The following PIEZO1 variants were observed in gnomAD, a reference collection of about 807,000 sequenced individuals.
PIEZO1 encodes the protein piezo-type mechanosensitive ion channel component 1.
In PIEZO1, 296 loss-of-function variants were observed where a neutral mutation model predicts 297.2. That is an observed-to-expected ratio of 1.00 (90% CI 0.91 to 1.10). The LOEUF (loss-of-function observed/expected upper bound fraction) is 1.10, where lower values mean the gene tolerates loss of function less well. PIEZO1 is among the 50% of genes least tolerant of loss of function. The probability of loss-of-function intolerance (pLI) is 0.00; values close to 1 mark genes in which losing one functional copy is unlikely to be tolerated. For synonymous variants in PIEZO1, 2,427 were observed against 1,507.5 expected, an observed-to-expected ratio of 1.61 and a Z score of -14.13; for missense variants, 5,018 against 3,455.5, an observed-to-expected ratio of 1.45 and a Z score of -11.34.
chr16:88,722,694 A>C lies in PIEZO1; in HGVS notation c.4669-5T>G, dbSNP rs1344538557. On this transcript the variant is annotated splice_region_variant and splice_polypyrimidine_tract_variant and intron_variant, in intron 34 of 50. Transcript: ENST00000301015. Reference sequence around the variant, plus strand: ...GCCCCTGTGCACTTCGCCGCCCTGCAGGGCACAGCAGGGGGCTCAGGGCTG... The same window carrying C: ...GCCCCTGTGCACTTCGCCGCCCTGCCGGGCACAGCAGGGGGCTCAGGGCTG... The C allele has an allele frequency of 6.5e-7, 1 of 1,535,282 alleles. No homozygotes were observed. The highest frequency in any genetic ancestry group is 2.4e-5 in the East Asian group (1 of 40,856).
intron 1 of PIEZO1, among the ~76,000 whole-genome samples, chr16:88,751,516 G>T (rs1339951539): frequency 6.6e-6 from 1 of 152,162 alleles, no homozygotes; most frequent in East Asian, 1.9e-4. Flanking sequence ...GGGCTCCGGG[G>T]GGCACCGCCC....
At chr16:88,736,452 C>G (rs1303441420) in intron 11 of PIEZO1, 44 bp from the exon 12 acceptor site, 2 of 1,474,436 alleles carry the variant, frequency 1.4e-6, no homozygotes. Flanking sequence ...CGCACCCCAC[C>G]CAGGCGATGC....
rs985778088 is a variant in PIEZO1, at chr16:88,725,448, G to A, written c.4130C>T (p.Thr1377Ile). The change falls in exon 29 of 51, where the codon ACC becomes ATC. Residue 1377 changes from threonine to isoleucine, a missense_variant. By Grantham distance (89) the Thr-to-Ile change is moderately conservative. Transcript: ENST00000301015. ...GRVDRSRPQD[T>I]LGPKDPGLEP... ...CAGGCCGGGGTCCTTGGGGCCCAGG[G>A]TGTCCTGGGGGCGACTGCGGTCCAC... 1.1e-5 allele frequency: 16 copies of A among 1,485,876 alleles called. No homozygotes were observed. Among genetic ancestry groups the A allele is most frequent in the African/African-American group, 1.4e-5 (1 of 71,040 alleles). 92.0% of individuals were successfully genotyped at this position (1,485,876 alleles called of 1,614,324 possible). A position where few individuals can be genotyped will look rare whatever the true frequency, so the allele number is the denominator to read the frequency against.
chr16:88,745,066 A>AC (rs1379592456), intron 2 of PIEZO1: 1 of 42,844 alleles, frequency 2.3e-5, no homozygotes, highest in Non-Finnish European at 5.1e-5. Flanking sequence ...GTCCCCGCCC[A>AC]CCCCGTCACT....
intron 50 of PIEZO1, 32 bp downstream of exon 50, chr16:88,715,901 G>A: frequency 6.5e-7 from 1 of 1,535,162 alleles, no homozygotes; most frequent in Non-Finnish European, 8.8e-7. Flanking sequence ...AGCCCCCCGA[G>A]CTGCGGGGTG....
intron 1 of PIEZO1, among the ~76,000 whole-genome samples, chr16:88,776,032 C>T (rs1174295794): frequency 6.6e-6 from 1 of 152,214 alleles, no homozygotes; most frequent in Non-Finnish European, 1.5e-5. Context: ...GCAGTCGGGG[C>T]CTCAGAGCCA....
chr16:88,775,726 CAA>C (rs3052234), intron 1 of PIEZO1, among the ~76,000 whole-genome samples: 13 of 98,708 alleles, frequency 1.3e-4, no homozygotes, highest in Admixed American at 5.7e-4. Context: ...AAGACGCTGT[CAA>C]AAAAAAAAAA....
At chr16:88,717,235 T>TA in intron 44 of PIEZO1, 24 bp from the exon 45 acceptor site, 1 of 1,539,778 alleles carries the variant, frequency 6.5e-7, no homozygotes, top group Non-Finnish European at 8.7e-7. Context: ...ACACAGGTCA[T>TA]ACGCTCAGCT....
intron 1 of PIEZO1, among the ~76,000 whole-genome samples, chr16:88,770,360 T>C (rs1206164353): frequency 2.0e-5 from 3 of 152,180 alleles, no homozygotes; most frequent in East Asian, 1.9e-4. Context: ...TTTCTGGCTA[T>C]GGACTTGGGA....
chr16:88,732,232 C>T (rs1283010904), intron 21 of PIEZO1, 103 bp downstream of exon 21: 11 of 1,050,440 alleles, frequency 1.0e-5, no homozygotes, highest in Non-Finnish European at 1.4e-5. Flanking sequence ...GTGGCCCAGG[C>T]AAACCCAGGT....
At chr16:88,732,762 T>TC (rs34646384) in intron 19 of PIEZO1, 30 bp from the exon 20 acceptor site, 1 of 1,514,452 alleles carries the variant, frequency 6.6e-7, no homozygotes, top group Non-Finnish European at 8.9e-7. Context: ...CAGTGCCCCC[T>TC]CCCAGGCCAC....
At chr16:88,748,565 G>A (rs1567682700) in intron 2 of PIEZO1, among the ~76,000 whole-genome samples, 1 of 151,930 alleles carries the variant, frequency 6.6e-6, no homozygotes. Context: ...GGCGGTCCAG[G>A]CGGCTGGAAC....
chr16:88,765,082 C>T (rs1369389178), intron 1 of PIEZO1, among the ~76,000 whole-genome samples: 1 of 152,232 alleles, frequency 6.6e-6, no homozygotes, highest in Non-Finnish European at 1.5e-5. Context: ...GACTCAGAGC[C>T]CTCACCCTGT....
At position 88,722,690 on chromosome 16, in the gene PIEZO1, C is replaced by T. The variant is rs757127133; in HGVS notation, c.4669-1G>A. 1.3e-6 allele frequency: 2 copies of T among 1,536,836 alleles called. No individual in the cohort carries two copies. Among genetic ancestry groups the T allele is most frequent in the South Asian group, 1.2e-5 (1 of 84,042 alleles). ...GCACGCCCCTGTGCACTTCGCCGCC[C>T]TGCAGGGCACAGCAGGGGGCTCAGG... On this transcript the variant is annotated splice_acceptor_variant, in intron 34 of 50. Transcript: ENST00000301015. LOFTEE classifies it high-confidence loss of function.
chr16:88,732,408 T>G lies in PIEZO1; in HGVS notation c.2918A>C (p.Gln973Pro), dbSNP rs1377102627. 5.8e-6 allele frequency: 9 copies of G among 1,549,660 alleles called. No homozygotes were observed. The highest frequency in any genetic ancestry group is 7.0e-6 in the Non-Finnish European group (8 of 1,146,550). Reference protein sequence around the residue: ...AQAVFASGTRQQLDQDLLGCL... With the variant: ...AQAVFASGTRPQLDQDLLGCL... ...GCCGAGCAGATCCTGGTCCAGCTGC[T>G]GGCGGGTGCCGCTGGCAAACACGGC... Residue 973 changes from glutamine (Q) to proline (P), a missense_variant, in exon 21 of 51, where the codon CAG becomes CCG. Physicochemically the swap from Gln to Pro is moderately conservative, Grantham distance 76. Coordinates refer to ENST00000301015, the MANE Select transcript of PIEZO1 (RefSeq NM_001142864.4).
chr16:88,721,175 C>G lies in PIEZO1; in HGVS notation c.5659G>C (p.Ala1887Pro). The G allele has an allele frequency of 6.6e-7, 1 of 1,506,446 alleles. No homozygotes were observed. The highest frequency in any genetic ancestry group is 8.9e-7 in the Non-Finnish European group (1 of 1,128,422). The allele number at this position is 1,506,446 out of a possible 1,614,324, so 93.3% of individuals were successfully genotyped here. A position where few individuals can be genotyped will look rare whatever the true frequency, so the allele number is the denominator to read the frequency against. The change falls in exon 39 of 51, where the codon GCA (alanine) becomes CCA (proline). Residue 1887 changes from alanine to proline, a missense_variant. Physicochemically the swap from Ala to Pro is conservative, Grantham distance 27 (BLOSUM62 -1). Transcript: ENST00000301015. ...KKEGPARKGA[A>P]AIEAEDREEE... The stretch of plus-strand genomic sequence containing the variant: ...GGCAGGGCGCTTATACCGATGGCTG[C>G]CGCTCCTTTCCGTGCTGGGCCCTCC...
intron 22 of PIEZO1, among the ~76,000 whole-genome samples, chr16:88,728,495 G>C (rs1904614615): frequency 6.9e-6 from 1 of 144,698 alleles, no homozygotes; most frequent in Non-Finnish European, 1.5e-5. Flanking sequence ...CGATGCTGGG[G>C]AACCCAGGAC....
intron 1 of PIEZO1, among the ~76,000 whole-genome samples, chr16:88,763,125 A>C (rs1597481250): frequency 6.6e-6 from 1 of 152,170 alleles, no homozygotes; most frequent in Admixed American, 6.5e-5. Flanking sequence ...GTCATGATTC[A>C]AGCCTGCCCA....
At position 88,721,751 on chromosome 16, in the gene PIEZO1, C is replaced by A. The variant is rs746485604; in HGVS notation, c.5215-25G>T. 2.0e-6 allele frequency: 3 copies of A among 1,534,704 alleles called. No individual in the cohort carries two copies. In the East Asian group the frequency reaches 7.4e-5, roughly 38 times the overall value. On this transcript the variant is annotated intron_variant, in intron 37 of 50. Transcript: ENST00000301015. ...TCTGTGGGGGAGGGGGCTCAGCACGCGGGGAGGGTCACGGCGCGGTGGGCC... is the reference window on the plus strand; with the variant it reads ...TCTGTGGGGGAGGGGGCTCAGCACGAGGGGAGGGTCACGGCGCGGTGGGCC...
Sources: gnomAD v4.1 joint callset for allele counts (sites outside exome capture counted in the v4.1 genomes callset) on GRCh38, gnomAD v4.1.1 for gene constraint, MANE v1.5 for transcripts, NCBI Gene and HGNC (gene_info 2026-07-23, HGNC 2026-07-21) for gene names.